SPNS3: variants seen among roughly 807,000 people sequenced by gnomAD.
The protein encoded by SPNS3 is SPNS lysolipid transporter 3, sphingosine-1-phosphate (putative).
Under a neutral mutation model 54.4 loss-of-function variants are expected in SPNS3, and 51 were observed. The ratio of observed to expected loss-of-function variants is 0.94; its 90% CI spans 0.75 to 1.18. SPNS3 has a LOEUF of 1.18. Among genes scored for constraint, SPNS3 ranks in the 50% most tolerant of loss-of-function variants. The pLI, the probability that SPNS3 is intolerant of heterozygous loss-of-function variation, is 0.00. For missense variants in SPNS3, 669 were observed against 677.4 expected (o/e 0.99, Z 0.14); for synonymous variants, 309 against 294.7 (o/e 1.05, Z -0.50).
intron 1 of SPNS3, among the ~76,000 whole-genome samples, chr17:4,436,933 A>C (rs1254072645): frequency 1.3e-5 from 2 of 152,218 alleles, no homozygotes; most frequent in African/African-American, 2.4e-5. Context: ...TGAACCCACG[A>C]GCCTGGGGAC....
chr17:4,474,123 C>T (rs1971927909), intron 8 of SPNS3, among the ~76,000 whole-genome samples: 1 of 152,242 alleles, frequency 6.6e-6, no homozygotes, highest in African/African-American at 2.4e-5. Flanking sequence ...CACGGCCCAC[C>T]AGAAGAGCTC....
At chr17:4,478,452 A>G in intron 8 of SPNS3, 120 bp from the exon 9 acceptor site, 1 of 859,504 alleles carries the variant, frequency 1.2e-6, no homozygotes, top group Non-Finnish European at 1.8e-6. Context: ...CACTCCAATA[A>G]GTCTCAATAA....
rs1555530825 is a variant in SPNS3 at position 4,458,617 on chromosome 17, C to CTTTCTTTCTTTCTTTCT, written c.1113+5415_1113+5431dup. Among the ~76,000 whole-genome samples the CTTTCTTTCTTTCTTTCT allele has an allele frequency of 1.7e-3, 191 of 110,614 alleles. 4 individuals carry two copies. The highest frequency in any genetic ancestry group is 1.8e-3 in the Non-Finnish European group (97 of 52,546). 72.6% of individuals were successfully genotyped at this position (110,614 alleles called of 152,430 possible). Reference sequence around the variant, plus strand: ...TCTTTCTTTCTTTCTTTCTTTCTTTCTTTCTTTCTTTCTTTCTTTCTTTCT... The same window carrying CTTTCTTTCTTTCTTTCT: ...TCTTTCTTTCTTTCTTTCTTTCTTTCTTTCTTTCTTTCTTTCTTTTCTTTCTTTCTTTCTTTCTTTCT... On this transcript the variant is annotated intron_variant, in intron 8 of 11. Coordinates refer to ENST00000355530, the MANE Select transcript of SPNS3 (RefSeq NM_182538.5).
chr17:4,456,806 C>G (rs1472965379), intron 8 of SPNS3, among the ~76,000 whole-genome samples: 1 of 152,112 alleles, frequency 6.6e-6, no homozygotes, highest in Non-Finnish European at 1.5e-5. Flanking sequence ...CCTCTGCCTC[C>G]CAGGTTCAAG....
intron 1 of SPNS3, among the ~76,000 whole-genome samples, chr17:4,435,800 C>CGGG (rs1567550705): frequency 6.6e-6 from 1 of 152,090 alleles, no homozygotes; most frequent in African/African-American, 2.4e-5. Flanking sequence ...GGCGTGGTGG[C>CGGG]TCACGCCTGT....
chr17:4,456,779 A>T (rs1008444932), intron 8 of SPNS3, among the ~76,000 whole-genome samples: 3 of 151,772 alleles, frequency 2.0e-5, no homozygotes, highest in African/African-American at 7.3e-5. Context: ...CAGTGGAGCG[A>T]TCTCAGCTCA....
chr17:4,463,329 G>C lies in SPNS3; in HGVS notation c.1113+10124G>C, dbSNP rs372297216. Among the ~76,000 whole-genome samples, 10 of 151,490 alleles carry C rather than the reference G, an allele frequency of 6.6e-5. No individual in the cohort carries two copies. The East Asian group carries it at 1.6e-3, about 24-fold the overall frequency. ...GGAGAATCACTTGAGCTCAGGAGGTGGAGGTTGCAGTGAGCCGAGATTGCG... is the reference window on the plus strand; with the variant it reads ...GGAGAATCACTTGAGCTCAGGAGGTCGAGGTTGCAGTGAGCCGAGATTGCG... On this transcript the variant is annotated intron_variant, in intron 8 of 11. Coordinates refer to ENST00000355530, the MANE Select transcript of SPNS3 (RefSeq NM_182538.5).
intron 8 of SPNS3, among the ~76,000 whole-genome samples, chr17:4,470,611 T>C (rs1245746936): frequency 6.6e-6 from 1 of 152,060 alleles, no homozygotes; most frequent in African/African-American, 2.4e-5. Context: ...TCAATCTATC[T>C]CTCTGCTCCC....
chr17:4,436,597 T>C (rs1220325703), intron 1 of SPNS3, among the ~76,000 whole-genome samples: 1 of 152,032 alleles, frequency 6.6e-6, no homozygotes, highest in Non-Finnish European at 1.5e-5. Flanking sequence ...CAAGATCTTA[T>C]CTAAACCCCT....
At chr17:4,469,963 A>G (rs1971812669) in intron 8 of SPNS3, among the ~76,000 whole-genome samples, 2 of 152,158 alleles carry the variant, frequency 1.3e-5, no homozygotes, top group African/African-American at 4.8e-5. Context: ...AGAATAAATA[A>G]TTCTTCACAT....
At chr17:4,452,311 C>T (rs1308437484) in intron 7 of SPNS3, among the ~76,000 whole-genome samples, 2 of 152,228 alleles carry the variant, frequency 1.3e-5, no homozygotes, top group Middle Eastern at 3.4e-3. Context: ...TGGAACTCCT[C>T]CCACCACAGA....
chr17:4,475,542 G>A (rs1444412900), intron 8 of SPNS3, among the ~76,000 whole-genome samples: 7 of 152,234 alleles, frequency 4.6e-5, no homozygotes, highest in Non-Finnish European at 5.9e-5. Context: ...TGGGTGATGG[G>A]GAGCAGGTGC....
At chr17:4,478,232 A>G (rs1972060585) in intron 8 of SPNS3, among the ~76,000 whole-genome samples, 1 of 151,944 alleles carries the variant, frequency 6.6e-6, no homozygotes, top group South Asian at 2.1e-4. Flanking sequence ...TCAGCCTCCC[A>G]AAGTGCTGGA....
Position 4,448,185 on chromosome 17 carries a change from A to T in SPNS3, c.652A>T (p.Ile218Phe). 1.2e-6 allele frequency: 2 copies of T among 1,601,178 alleles called. No homozygotes were observed. The highest frequency in any genetic ancestry group is 2.3e-5 in the East Asian group (1 of 43,904). ...VMPCLEAVAL[I>F]LLILLVPDPP... ...GCCCTGCCTGGAGGCCGTGGCCTTG[A>T]TCCTGCTTATCCTGCTGGTTCCAGA... The change falls in exon 6 of 12, where the codon ATC (isoleucine) becomes TTC (phenylalanine). Residue 218 changes from isoleucine to phenylalanine, a missense_variant. Ile to Phe is a conservative substitution (Grantham distance 21). Coordinates refer to ENST00000355530, the MANE Select transcript of SPNS3 (RefSeq NM_182538.5).
intron 8 of SPNS3, among the ~76,000 whole-genome samples, chr17:4,476,943 C>A (rs1179301468): frequency 6.6e-6 from 1 of 152,240 alleles, no homozygotes; most frequent in African/African-American, 2.4e-5. Context: ...CCGTGGGTCC[C>A]CGGCTGGCGT....
In SPNS3 at chr17:4,486,633, C is replaced by G; in HGVS notation, c.1450+50C>G. On this transcript the variant is annotated intron_variant, in intron 11 of 11. Transcript: ENST00000355530. This position sits in a 1 kb window ranked among gnomAD's most constrained non-coding sequence, Gnocchi z 5.5. ...CGGCTCAGGGCCGGCACCCTAGGGA[C>G]AGACAGCACTGGCCACCCCCTGAAT... 6.4e-7 allele frequency: 1 copy of G among 1,551,706 alleles called. No individual in the cohort carries two copies.
intron 8 of SPNS3, among the ~76,000 whole-genome samples, chr17:4,466,081 G>A (rs1388326849): frequency 6.6e-6 from 1 of 152,214 alleles, no homozygotes; most frequent in Non-Finnish European, 1.5e-5. Context: ...TATGGCCATG[G>A]CCAGGTGGCT....
intron 9 of SPNS3, among the ~76,000 whole-genome samples, chr17:4,485,643 G>A (rs528239756): frequency 7.9e-5 from 12 of 152,208 alleles, no homozygotes; most frequent in South Asian, 2.1e-4. Flanking sequence ...TGATCCACCC[G>A]CCTTGGCCTC....
intron 9 of SPNS3, chr17:4,484,983 C>T (rs1289893132): frequency 6.6e-6 from 1 of 152,140 alleles, no homozygotes; most frequent in Non-Finnish European, 1.5e-5. Context: ...TTCTGGGAGA[C>T]ATGCGTTAAT....
Sources: allele counts gnomAD v4.1 joint callset (sites outside exome capture counted in the v4.1 genomes callset), GRCh38; gene constraint gnomAD v4.1.1; non-coding constraint Gnocchi (gnomAD v3.1); transcripts MANE v1.5; gene names NCBI Gene and HGNC (gene_info 2026-07-23, HGNC 2026-07-21).